METTL24: variants seen among roughly 807,000 people sequenced by gnomAD.
METTL24 encodes the protein probable methyltransferase-like protein 24.
METTL24 carries 29 observed loss-of-function variants against 32.7 expected under a neutral mutation model. The observed-to-expected ratio is 0.89, with a 90% CI of 0.66 to 1.21. METTL24 has a LOEUF of 1.21. METTL24 is among the 50% of genes most tolerant of loss of function. The pLI is 0.00. For missense variants in METTL24, 439 were observed against 468.1 expected, an observed-to-expected ratio of 0.94 and a Z score of 0.57; for synonymous variants, 163 against 179.5, an observed-to-expected ratio of 0.91 and a Z score of 0.73.
chr6:110,296,848 G>C (rs1403488718), intron 4 of METTL24, among the ~76,000 whole-genome samples: 3 of 152,108 alleles, frequency 2.0e-5, no homozygotes, highest in Admixed American at 1.3e-4. Flanking sequence ...ATTTACCACT[G>C]TCTGTACATA....
intron 1 of METTL24, among the ~76,000 whole-genome samples, chr6:110,354,239 A>C (rs1372625942): frequency 1.3e-5 from 2 of 152,236 alleles, no homozygotes; most frequent in African/African-American, 4.8e-5. Context: ...TCCATGAAGA[A>C]GGGGACGAGG....
intron 1 of METTL24, among the ~76,000 whole-genome samples, chr6:110,341,051 C>A (rs914722068): frequency 8.6e-5 from 13 of 151,388 alleles, no homozygotes; most frequent in African/African-American, 3.2e-4. Context: ...CACTTTATGT[C>A]TGTTTTTCCT....
intron 4 of METTL24, among the ~76,000 whole-genome samples, chr6:110,252,349 G>A (rs920789694): frequency 5.3e-5 from 8 of 152,182 alleles, no homozygotes; most frequent in Non-Finnish European, 1.0e-4. Context: ...GCAGATGGCT[G>A]CCTTGTCCCT....
intron 4 of METTL24, among the ~76,000 whole-genome samples, chr6:110,249,779 GA>G (rs1287394766): frequency 1.3e-5 from 2 of 151,924 alleles, no homozygotes; most frequent in Admixed American, 1.3e-4. Flanking sequence ...GGTTTGTGGA[GA>G]AAAACAACTT....
intron 1 of METTL24, among the ~76,000 whole-genome samples, chr6:110,323,528 C>T (rs1343982788): frequency 1.3e-5 from 2 of 152,062 alleles, no homozygotes; most frequent in Non-Finnish European, 2.9e-5. Flanking sequence ...AAGGATGACC[C>T]GCTCAGCCCC....
Position 110,322,798 on chromosome 6 carries a change from G to A in METTL24, c.393C>T (p.Phe131=). 1.2e-6 allele frequency: 2 copies of A among 1,613,788 alleles called. No individual in the cohort carries two copies. The highest frequency in any genetic ancestry group is 1.1e-5 in the South Asian group (1 of 90,994). The change falls in exon 2 of 5, where the codon TTC becomes TTT. Residue 131 remains phenylalanine, a synonymous_variant. Coordinates refer to ENST00000338882, the MANE Select transcript of METTL24 (RefSeq NM_001123364.3). ...CCTGGGTGGTGCTGATATATCTCAG[G>A]AACCTCCAGGCTTCTTCATCCAGGG... ...AQSLDEEAWR[F]LRYISTTQIA... is the part of the protein sequence containing the mutation.
At chr6:110,316,372 C>A (rs1771819592) in intron 2 of METTL24, among the ~76,000 whole-genome samples, 2 of 152,156 alleles carry the variant, frequency 1.3e-5, no homozygotes, top group African/African-American at 4.8e-5. Flanking sequence ...GCTGTTGAAA[C>A]CAAAGAAAAT....
rs1460980249 is a variant in METTL24, at chr6:110,245,244, T to C, written c.*702A>G. On this transcript the variant is annotated 3_prime_UTR_variant, in exon 5 of 5. Coordinates refer to ENST00000338882, the MANE Select transcript of METTL24 (RefSeq NM_001123364.3). Reference sequence around the variant, plus strand: ...AGAACCTAAGGCAGTAAGGAAGAATTAATTCTCTGTCTGGCTGTCTTCAAG... The same window carrying C: ...AGAACCTAAGGCAGTAAGGAAGAATCAATTCTCTGTCTGGCTGTCTTCAAG... Among the ~76,000 whole-genome samples the C allele has an allele frequency of 6.6e-6, 1 of 152,202 alleles. No homozygotes were observed. The highest frequency in any genetic ancestry group is 1.5e-5 in the Non-Finnish European group (1 of 68,042).
chr6:110,321,325 T>C (rs896344546), intron 2 of METTL24, among the ~76,000 whole-genome samples: 5 of 152,220 alleles, frequency 3.3e-5, no homozygotes, highest in Non-Finnish European at 2.9e-5. Context: ...AAAATGACCA[T>C]TTCATGCCTC....
At chr6:110,275,969 A>G (rs913028212) in intron 4 of METTL24, among the ~76,000 whole-genome samples, 1 of 151,702 alleles carries the variant, frequency 6.6e-6, no homozygotes, top group East Asian at 1.9e-4. Flanking sequence ...TTTCTCTCCC[A>G]CCTCCTGTGC....
At chr6:110,278,127 T>C (rs941076794) in intron 4 of METTL24, among the ~76,000 whole-genome samples, 27 of 152,332 alleles carry the variant, frequency 1.8e-4, no homozygotes, top group African/African-American at 6.3e-4. Context: ...ATCCTTCCTA[T>C]GCTCTGTAAT....
intron 4 of METTL24, 124 bp downstream of exon 4, chr6:110,298,798 T>C: frequency 2.7e-6 from 2 of 744,418 alleles, no homozygotes; most frequent in South Asian, 3.5e-5. Context: ...TGTTGGGTGA[T>C]TAGTAAGATT....
At chr6:110,291,113 G>A (rs1047997943) in intron 4 of METTL24, among the ~76,000 whole-genome samples, 2 of 151,984 alleles carry the variant, frequency 1.3e-5, no homozygotes, top group Non-Finnish European at 2.9e-5. Flanking sequence ...GTCCTTTTCT[G>A]ATATATTTGT....
chr6:110,338,864 G>T (rs1269145056), intron 1 of METTL24, among the ~76,000 whole-genome samples: 1 of 152,156 alleles, frequency 6.6e-6, no homozygotes, highest in Non-Finnish European at 1.5e-5. Context: ...ATGTAACCTT[G>T]CAACTATCGA....
At chr6:110,328,033 A>T (rs1330247466) in intron 1 of METTL24, among the ~76,000 whole-genome samples, 3 of 152,194 alleles carry the variant, frequency 2.0e-5, no homozygotes, top group African/African-American at 7.2e-5. Flanking sequence ...AAATAACATC[A>T]TTTTGGATTG....
intron 1 of METTL24, among the ~76,000 whole-genome samples, chr6:110,354,431 C>T (rs1399690621): frequency 6.6e-6 from 1 of 152,148 alleles, no homozygotes; most frequent in African/African-American, 2.4e-5. Context: ...TTTCATCTAC[C>T]CAGAAAGCTG....
intron 2 of METTL24, among the ~76,000 whole-genome samples, chr6:110,317,783 G>C (rs776870502): frequency 6.6e-6 from 1 of 151,860 alleles, no homozygotes; most frequent in South Asian, 2.1e-4. Flanking sequence ...CTCAACATAC[G>C]GTCCGCCTAC....
intron 4 of METTL24, among the ~76,000 whole-genome samples, chr6:110,260,622 A>G (rs1287743159): frequency 2.0e-5 from 3 of 152,216 alleles, no homozygotes; most frequent in Non-Finnish European, 4.4e-5. Flanking sequence ...GAAGGCCACA[A>G]AGAAACTCCT....
In METTL24 at chr6:110,245,313, C is replaced by G. The variant is rs1442877999; in HGVS notation, c.*633G>C. Among the ~76,000 whole-genome samples the G allele has an allele frequency of 6.6e-6, 1 of 152,094 alleles. No homozygotes were observed. The highest frequency in any genetic ancestry group is 1.5e-5 in the Non-Finnish European group (1 of 68,020). ...TGAGGTCAAGACCTTCAGACTTGGT[C>G]TCGAACTGGAACTTACACCTTCGTG... On this transcript the variant is annotated 3_prime_UTR_variant, in exon 5 of 5. Transcript: ENST00000338882.
Sources: allele counts gnomAD v4.1 joint callset (sites outside exome capture counted in the v4.1 genomes callset), GRCh38; gene constraint gnomAD v4.1.1; transcripts MANE v1.5; gene names NCBI Gene and HGNC (gene_info 2026-07-23, HGNC 2026-07-21).